WWP2: variants seen among roughly 807,000 people sequenced by gnomAD.
The protein encoded by WWP2 is WW domain containing E3 ubiquitin protein ligase 2.
In WWP2, 57 loss-of-function variants were observed where a neutral mutation model predicts 121.0. The observed-to-expected ratio is 0.47, with a 90% CI of 0.38 to 0.59. The LOEUF (loss-of-function observed/expected upper bound fraction) is 0.59, where lower values mean the gene tolerates loss of function less well. WWP2 is among the 20% of genes least tolerant of loss of function. The pLI is 0.00. For missense variants in WWP2, 962 were observed against 1,158.9 expected (o/e 0.83, Z 2.47); for synonymous variants, 449 against 441.3 (o/e 1.02, Z -0.22).
intron 6 of WWP2, among the ~76,000 whole-genome samples, chr16:69,869,647 A>G (rs1377831994): frequency 6.6e-6 from 1 of 152,132 alleles, no homozygotes; most frequent in Non-Finnish European, 1.5e-5. Flanking sequence ...ACCCAGCCAA[A>G]AAGTCATGTT....
At chr16:69,816,327 A>G (rs2151838061) in intron 4 of WWP2, among the ~76,000 whole-genome samples, 1 of 151,874 alleles carries the variant, frequency 6.6e-6, no homozygotes, top group East Asian at 1.9e-4. Context: ...TCACGCTTGT[A>G]ATTTCAGCAC....
At chr16:69,851,351 C>T (rs1339100604) in intron 6 of WWP2, among the ~76,000 whole-genome samples, 6 of 152,082 alleles carry the variant, frequency 3.9e-5, no homozygotes, top group Admixed American at 2.0e-4. Flanking sequence ...CTCTCCCTCC[C>T]GTCCCCAGCC....
rs755052182 is a variant in WWP2, at chr16:69,939,878, G to A, written c.2551G>A (p.Glu851Lys). 1.1e-5 allele frequency: 18 copies of A among 1,613,858 alleles called. No homozygotes were observed. Among genetic ancestry groups the A allele is most frequent in the Admixed American group, 8.3e-5 (5 of 59,970 alleles). ...GGATCTTCCACCCTACAAGAGCTAC[G>A]AACAGCTGAGAGAGAAGCTGCTGTA... ...RLDLPPYKSY[E>K]QLREKLLYAI... The change falls in exon 24 of 24, where the codon GAA becomes AAA. Residue 851 changes from glutamate to lysine, a missense_variant. By Grantham distance (56) the Glu-to-Lys change is moderately conservative (BLOSUM62 1). Around this residue, in one of 3 missense-constraint regions of WWP2, gnomAD observed 606 missense variants for 772.6 expected, o/e 0.78. Coordinates refer to ENST00000359154, the MANE Select transcript of WWP2 (RefSeq NM_001270454.2).
At chr16:69,802,446 T>G (rs936154019) in intron 4 of WWP2, among the ~76,000 whole-genome samples, 1 of 152,172 alleles carries the variant, frequency 6.6e-6, no homozygotes, top group Non-Finnish European at 1.5e-5. Flanking sequence ...CAGCTACCGC[T>G]CTACTTTCTG....
intron 10 of WWP2, among the ~76,000 whole-genome samples, chr16:69,924,468 A>G (rs2151980801): frequency 6.6e-6 from 1 of 152,284 alleles, no homozygotes; most frequent in East Asian, 1.9e-4. Flanking sequence ...GTGGAACAAT[A>G]CTTGTTTTAT....
At chr16:69,820,818 A>C (rs974942302) in intron 4 of WWP2, among the ~76,000 whole-genome samples, 1 of 133,550 alleles carries the variant, frequency 7.5e-6, no homozygotes, top group Non-Finnish European at 1.6e-5. Flanking sequence ...CCATGAATAC[A>C]TGCATATACA....
intron 1 of WWP2, among the ~76,000 whole-genome samples, chr16:69,777,755 T>C (rs2055566790): frequency 6.6e-6 from 1 of 151,366 alleles, no homozygotes; most frequent in Admixed American, 6.6e-5. Context: ...GTATTTATAT[T>C]ATATATAAAT....
intron 10 of WWP2, among the ~76,000 whole-genome samples, chr16:69,924,522 A>T (rs149488844): frequency 0.019 from 2,885 of 152,220 alleles, 38 homozygotes; most frequent in South Asian, 0.041. Context: ...TCCCCGCAGG[A>T]TATGAGAATG....
intron 9 of WWP2, among the ~76,000 whole-genome samples, chr16:69,917,347 A>C (rs908744599): frequency 7.2e-5 from 11 of 152,198 alleles, no homozygotes; most frequent in African/African-American, 2.7e-4. Context: ...AGTCATATTC[A>C]GAAAGGATGA....
intron 4 of WWP2, among the ~76,000 whole-genome samples, chr16:69,813,574 C>A (rs549150959): frequency 5.3e-5 from 8 of 152,300 alleles, no homozygotes; most frequent in African/African-American, 1.9e-4. Context: ...GCGATCCCCC[C>A]ACCTCAGCCT....
chr16:69,936,302 G>C lies in WWP2; in HGVS notation c.1977-10G>C, dbSNP rs777693878. The C allele has an allele frequency of 1.2e-6, 2 of 1,613,922 alleles. No homozygotes were observed. The stretch of plus-strand genomic sequence containing the variant: ...TAGACATCTCCCCACTTGGTCTCCT[G>C]TGCCCCCAGAGAGAACAACCTGGAA... On this transcript the variant is annotated splice_polypyrimidine_tract_variant and intron_variant, in intron 18 of 23. Coordinates refer to ENST00000359154, the MANE Select transcript of WWP2 (RefSeq NM_001270454.2).
intron 1 of WWP2, among the ~76,000 whole-genome samples, chr16:69,764,431 G>A (rs1176488067): frequency 2.6e-5 from 4 of 152,122 alleles, no homozygotes; most frequent in Non-Finnish European, 5.9e-5. Flanking sequence ...GGGCTCAAGC[G>A]ATCCTCCCAC....
At chr16:69,918,127 G>A (rs554720821) in intron 10 of WWP2, among the ~76,000 whole-genome samples, 26 of 152,192 alleles carry the variant, frequency 1.7e-4, no homozygotes, top group African/African-American at 6.3e-4. Flanking sequence ...TGAATTCCCC[G>A]TCTTTCTTCC....
At chr16:69,875,353 T>C (rs186462124) in intron 7 of WWP2, among the ~76,000 whole-genome samples, 54 of 152,356 alleles carry the variant, frequency 3.5e-4, no homozygotes, top group Admixed American at 3.1e-3. Context: ...CTCTCCTCGA[T>C]GTTGATGGCT....
intron 10 of WWP2, among the ~76,000 whole-genome samples, chr16:69,921,664 C>T (rs916299032): frequency 3.9e-5 from 6 of 152,282 alleles, no homozygotes; most frequent in Admixed American, 2.0e-4. Context: ...CGTCTTGTGT[C>T]GTGTTCCTGC....
At chr16:69,791,505 G>A (rs2055910312) in intron 2 of WWP2, among the ~76,000 whole-genome samples, 1 of 152,120 alleles carries the variant, frequency 6.6e-6, no homozygotes. Context: ...TGGGATTACA[G>A]GCGTAAGCCA....
At chr16:69,857,164 C>T (rs956609420) in intron 6 of WWP2, among the ~76,000 whole-genome samples, 2 of 151,988 alleles carry the variant, frequency 1.3e-5, no homozygotes, top group South Asian at 2.1e-4. Flanking sequence ...AGTGCAGTGG[C>T]GCCATCTCGG....
chr16:69,862,354 C>T (rs375380628), intron 6 of WWP2, among the ~76,000 whole-genome samples: 8 of 152,122 alleles, frequency 5.3e-5, no homozygotes, highest in Admixed American at 4.6e-4. Flanking sequence ...CGTGAGCTAC[C>T]GCGCCTGGCC....
At chr16:69,841,973 A>G in intron 5 of WWP2, 51 bp from the exon 6 acceptor site, 1 of 1,557,874 alleles carries the variant, frequency 6.4e-7, no homozygotes, top group Non-Finnish European at 8.8e-7. Flanking sequence ...CTCAAACACG[A>G]GTTGAGCTCC....
Sources: gnomAD v4.1 joint callset for allele counts (sites outside exome capture counted in the v4.1 genomes callset) on GRCh38, gnomAD v4.1.1 for gene constraint, gnomAD v4.1.1 regional missense constraint, MANE v1.5 for transcripts, NCBI Gene and HGNC (gene_info 2026-07-23, HGNC 2026-07-21) for gene names.